The following UBE3D variants were observed in gnomAD, a reference collection of about 807,000 sequenced individuals.
The protein encoded by UBE3D is E3 ubiquitin-protein ligase E3D.
Under a neutral mutation model 49.6 loss-of-function variants are expected in UBE3D, and 48 were observed. The ratio of observed to expected loss-of-function variants is 0.97; its 90% CI spans 0.77 to 1.23. UBE3D has a LOEUF of 1.23. UBE3D is among the 50% of genes most tolerant of loss of function. The pLI is 0.00. For missense variants in UBE3D, 452 were observed against 468.4 expected (o/e 0.96, Z 0.32); for synonymous variants, 189 against 174.2 (o/e 1.08, Z -0.67).
chr6:83,029,672 G>T (rs1195146772), intron 5 of UBE3D, among the ~76,000 whole-genome samples: 3 of 152,158 alleles, frequency 2.0e-5, no homozygotes, highest in Admixed American at 6.5e-5. Flanking sequence ...GCAGGACATT[G>T]TGTGCAATAT....
chr6:83,037,905 C>T (rs1313045009), intron 5 of UBE3D: 2 of 151,798 alleles, frequency 1.3e-5, no homozygotes, highest in Admixed American at 6.6e-5. Flanking sequence ...TCAACAGGTC[C>T]TCTCCCATCC....
At chr6:82,998,757 A>G (rs917531892) in intron 8 of UBE3D, among the ~76,000 whole-genome samples, 2 of 152,216 alleles carry the variant, frequency 1.3e-5, no homozygotes, top group Non-Finnish European at 2.9e-5. Context: ...TTAAGTCATT[A>G]AAACAGGCCA....
intron 1 of UBE3D, among the ~76,000 whole-genome samples, chr6:83,061,669 G>A (rs1784176648): frequency 6.6e-6 from 1 of 152,202 alleles, no homozygotes; most frequent in Non-Finnish European, 1.5e-5. Flanking sequence ...AAAATTCTAG[G>A]AGTTCTGCAA....
At chr6:83,011,312 T>C (rs762368292) in intron 8 of UBE3D, among the ~76,000 whole-genome samples, 2 of 152,134 alleles carry the variant, frequency 1.3e-5, no homozygotes, top group Non-Finnish European at 2.9e-5. Context: ...ACTGGTCACC[T>C]GGTCGTAGCT....
At chr6:83,005,223 C>A (rs963606509) in intron 8 of UBE3D, among the ~76,000 whole-genome samples, 2 of 151,694 alleles carry the variant, frequency 1.3e-5, no homozygotes, top group African/African-American at 2.4e-5. Context: ...CCAACGAACA[C>A]GAAAGGATAC....
chr6:82,926,131 T>C (rs1235926752), intron 9 of UBE3D, among the ~76,000 whole-genome samples: 2 of 152,182 alleles, frequency 1.3e-5, no homozygotes, highest in Non-Finnish European at 2.9e-5. Context: ...TCAATTCACC[T>C]GACTGTGACT....
chr6:82,882,367 C>T, the UBE3D span, among the ~76,000 whole-genome samples: 1 of 152,052 alleles, frequency 6.6e-6, no homozygotes, highest in South Asian at 2.1e-4. Context: ...TTGGGAAACC[C>T]CAAACAAATG....
chr6:83,018,259 C>T (rs1366910096), intron 8 of UBE3D: 1 of 152,158 alleles, frequency 6.6e-6, no homozygotes, highest in Non-Finnish European at 1.5e-5. Flanking sequence ...CTGCTGTTTC[C>T]TTTTCTGGGA....
chr6:82,989,031 A>G (rs1231956150), intron 8 of UBE3D, among the ~76,000 whole-genome samples: 1 of 152,154 alleles, frequency 6.6e-6, no homozygotes, highest in Non-Finnish European at 1.5e-5. Flanking sequence ...CCAGCCCTCA[A>G]GTATCTTATT....
At chr6:83,053,366 G>T (rs950315895) in intron 3 of UBE3D, among the ~76,000 whole-genome samples, 29 of 152,136 alleles carry the variant, frequency 1.9e-4, no homozygotes, top group African/African-American at 7.0e-4. Flanking sequence ...ACATGGCTCA[G>T]GAAACCCATC....
chr6:82,962,914 T>C (rs568700970), intron 8 of UBE3D, among the ~76,000 whole-genome samples: 70 of 152,318 alleles, frequency 4.6e-4, no homozygotes, highest in African/African-American at 1.6e-3. Flanking sequence ...TTTTTGAAAT[T>C]AGACAAACTA....
chr6:83,030,273 T>A (rs143055413), intron 5 of UBE3D, among the ~76,000 whole-genome samples: 6 of 152,302 alleles, frequency 3.9e-5, no homozygotes, highest in African/African-American at 1.4e-4. Flanking sequence ...TCTTAAACTG[T>A]AGCTCCCATA....
rs761572341 is a variant in UBE3D at position 83,019,033 on chromosome 6, C to G, written c.950G>C (p.Ser317Thr). ...LLENTFKADS[S>T]SAWSAVKVLY... is the part of the protein sequence containing the mutation. ...GACCTTGACAGCACTCCAGGCAGAA[C>G]TAGAATCGGCTTTGAATGTGTTTTC... The change falls in exon 8 of 10, where the codon AGT (serine) becomes ACT (threonine). Residue 317 changes from serine to threonine, a missense_variant. Ser to Thr is a moderately conservative substitution (Grantham distance 58). Coordinates refer to ENST00000369747, the MANE Select transcript of UBE3D (RefSeq NM_198920.3). 4.3e-6 allele frequency: 7 copies of G among 1,613,852 alleles called. 1 individual carries two copies. The South Asian group carries it at 7.7e-5, about 18-fold the overall frequency.
intron 2 of UBE3D, among the ~76,000 whole-genome samples, chr6:83,054,498 A>G (rs1235286125): frequency 6.6e-6 from 1 of 152,174 alleles, no homozygotes. Context: ...TAGTTCTCTC[A>G]TTCTAAAAAT....
rs532954699 is a variant in UBE3D at position 82,895,483 on chromosome 6, C to T, written c.1150-2441G>A. 7.2e-4 allele frequency among the ~76,000 whole-genome samples: 110 copies of T among 152,184 alleles called. 1 individual carries two copies. The highest frequency in any genetic ancestry group is 2.4e-3 in the African/African-American group (98 of 41,516). ...GCATCCAGTGGACAGAGGCCAGGGACGTTCTCCTACAATGTAGAGAGCCCC... is the reference window on the plus strand; with the variant it reads ...GCATCCAGTGGACAGAGGCCAGGGATGTTCTCCTACAATGTAGAGAGCCCC... On this transcript the variant is annotated intron_variant, in intron 9 of 9. Transcript: ENST00000369747.
At chr6:82,940,945 C>T (rs1320993615) in intron 9 of UBE3D, among the ~76,000 whole-genome samples, 1 of 152,154 alleles carries the variant, frequency 6.6e-6, no homozygotes, top group Non-Finnish European at 1.5e-5. Flanking sequence ...GTGCACGGTG[C>T]TTCACACCTG....
intron 9 of UBE3D, among the ~76,000 whole-genome samples, chr6:82,942,595 A>T (rs1411560452): frequency 6.6e-6 from 1 of 152,206 alleles, no homozygotes; most frequent in African/African-American, 2.4e-5. Context: ...AGCTCCAGCC[A>T]TGGCTAAAAG....
chr6:83,009,911 A>G (rs1377294912), intron 8 of UBE3D, among the ~76,000 whole-genome samples: 2 of 151,730 alleles, frequency 1.3e-5, no homozygotes, highest in East Asian at 3.9e-4. Context: ...CTATTTTTTT[A>G]AGGAAGTATT....
chr6:82,957,517 A>G (rs1776250432), intron 8 of UBE3D, 67 bp from the exon 9 acceptor site: 3 of 1,513,884 alleles, frequency 2.0e-6, no homozygotes, highest in Non-Finnish European at 2.7e-6. Context: ...ATCTGATATG[A>G]AAGAAGAAAA....
Sources: gnomAD v4.1 joint callset for allele counts (sites outside exome capture counted in the v4.1 genomes callset) on GRCh38, gnomAD v4.1.1 for gene constraint, MANE v1.5 for transcripts, NCBI Gene and HGNC (gene_info 2026-07-23, HGNC 2026-07-21) for gene names.